SLC14A2: variants seen among roughly 807,000 people sequenced by gnomAD.
SLC14A2 encodes the protein solute carrier family 14 member 2.
SLC14A2 carries 91 observed loss-of-function variants against 104.6 expected under a neutral mutation model. That is an observed-to-expected ratio of 0.87 (90% CI 0.73 to 1.04). SLC14A2 has a LOEUF of 1.04. SLC14A2 is among the 50% of genes least tolerant of loss of function. The probability of loss-of-function intolerance (pLI) is 0.00; values close to 1 mark genes in which losing one functional copy is unlikely to be tolerated. For missense variants in SLC14A2, 1,189 were observed against 1,156.0 expected (o/e 1.03, Z -0.41); for synonymous variants, 476 against 466.4 (o/e 1.02, Z -0.27).
At chr18:45,339,732 G>A (rs1568158536) in intron 1 of SLC14A2, among the ~76,000 whole-genome samples, 2 of 152,220 alleles carry the variant, frequency 1.3e-5, no homozygotes, top group African/African-American at 4.8e-5. Context: ...GTGTGGGCAG[G>A]TTTTTGGCAG....
chr18:45,589,516 C>A (rs907093252), intron 2 of SLC14A2, among the ~76,000 whole-genome samples: 1 of 151,808 alleles, frequency 6.6e-6, no homozygotes, highest in Non-Finnish European at 1.5e-5. Context: ...TTTCCCCGCA[C>A]CACCCTCCCC....
chr18:45,554,991 G>A (rs1194101025), intron 2 of SLC14A2, among the ~76,000 whole-genome samples: 2 of 152,234 alleles, frequency 1.3e-5, no homozygotes, highest in Non-Finnish European at 2.9e-5. Context: ...CTTCCCTTGA[G>A]ATGGATTTGA....
At chr18:45,585,975 A>G (rs2044561792) in intron 2 of SLC14A2, among the ~76,000 whole-genome samples, 2 of 152,220 alleles carry the variant, frequency 1.3e-5, no homozygotes, top group African/African-American at 4.8e-5. Context: ...TATTCAGTCA[A>G]CATGGATTAA....
Position 45,667,963 on chromosome 18 carries a change from C to A in SLC14A2, c.1848C>A (p.Ile616=). 1 of 1,614,156 alleles carries A rather than the reference C, an allele frequency of 6.2e-7. No individual in the cohort carries two copies. Among genetic ancestry groups the A allele is most frequent in the East Asian group, 2.2e-5 (1 of 44,868 alleles). Residue 616 remains isoleucine, a synonymous_variant, in exon 14 of 20, where the codon ATC becomes ATA. Transcript: ENST00000255226. ...TCATCCAGAACCCCTGGTGGGCGAT[C>A]TCAGGCTGCCTGGGTACCATCATGT... ...GLFIQNPWWA[I]SGCLGTIMST... is the part of the protein sequence containing the mutation.
At chr18:45,187,577 A>G in the SLC14A2 span, among the ~76,000 whole-genome samples, 8 of 152,234 alleles carry the variant, frequency 5.3e-5, no homozygotes, top group East Asian at 9.6e-4. Context: ...CATGGTATTG[A>G]GAGACGCTTT....
chr18:45,648,407 G>A (rs1050853102), intron 10 of SLC14A2, among the ~76,000 whole-genome samples: 2 of 151,788 alleles, frequency 1.3e-5, no homozygotes, highest in African/African-American at 2.4e-5. Context: ...GGGTTTCACC[G>A]TGTTAGCCAG....
At chr18:45,473,186 T>C (rs1378402870) in intron 1 of SLC14A2, among the ~76,000 whole-genome samples, 3 of 152,246 alleles carry the variant, frequency 2.0e-5, no homozygotes, top group African/African-American at 7.2e-5. Flanking sequence ...CAGATGGTTG[T>C]AGATGTGTGG....
chr18:45,444,815 G>C (rs887400577), intron 1 of SLC14A2, among the ~76,000 whole-genome samples: 5 of 152,222 alleles, frequency 3.3e-5, no homozygotes. Context: ...CTCTCAGGGA[G>C]CCTATGAGAG....
chr18:45,407,897 A>AGT (rs1451123705), intron 1 of SLC14A2, among the ~76,000 whole-genome samples: 2 of 152,198 alleles, frequency 1.3e-5, no homozygotes, highest in Non-Finnish European at 2.9e-5. Flanking sequence ...CACTGATCAC[A>AGT]GATCACCATA....
chr18:45,625,774 G>A lies in SLC14A2; in HGVS notation c.242G>A (p.Arg81Gln), dbSNP rs377634668. Reference protein sequence around the residue: ...SKRKDDGVAHRDSAGQRCICL... With the variant: ...SKRKDDGVAHQDSAGQRCICL... ...AGGAAAGACGACGGGGTGGCCCATC[G>A]GGACTCAGCAGGCCAAAGGTGCATC... The change falls in exon 3 of 20, where the codon CGG becomes CAG. Residue 81 changes from arginine to glutamine, a missense_variant. By Grantham distance (43) the Arg-to-Gln change is conservative (BLOSUM62 1). Coordinates refer to ENST00000255226, the MANE Select transcript of SLC14A2 (RefSeq NM_007163.4). 19 of 1,559,756 alleles carry A rather than the reference G, an allele frequency of 1.2e-5. No homozygotes were observed. Among genetic ancestry groups the A allele is most frequent in the Middle Eastern group, 1.7e-4 (1 of 5,942 alleles).
At chr18:45,227,508 G>A (rs991774219) in intron 1 of SLC14A2, among the ~76,000 whole-genome samples, 10 of 152,224 alleles carry the variant, frequency 6.6e-5, no homozygotes, top group African/African-American at 1.9e-4. Context: ...CATAGCAGAA[G>A]GCAGAGGGCA....
At chr18:45,627,875 T>C (rs2045283795) in intron 4 of SLC14A2, among the ~76,000 whole-genome samples, 1 of 151,592 alleles carries the variant, frequency 6.6e-6, no homozygotes, top group African/African-American at 2.4e-5. Context: ...CTGTGCATGG[T>C]CGTGCATGCC....
intron 1 of SLC14A2, among the ~76,000 whole-genome samples, chr18:45,290,348 T>A (rs934493799): frequency 6.6e-6 from 1 of 152,186 alleles, no homozygotes; most frequent in Non-Finnish European, 1.5e-5. Flanking sequence ...GTGCCCACAT[T>A]GTTAAAAGCA....
chr18:45,272,955 G>A (rs561350790), intron 1 of SLC14A2, among the ~76,000 whole-genome samples: 97 of 152,160 alleles, frequency 6.4e-4, no homozygotes, highest in Non-Finnish European at 1.1e-3. Context: ...CTTATAGGGA[G>A]CCTAGTCATT....
chr18:45,451,086 A>G (rs1285187331), intron 1 of SLC14A2, among the ~76,000 whole-genome samples: 1 of 152,238 alleles, frequency 6.6e-6, no homozygotes, highest in Non-Finnish European at 1.5e-5. Flanking sequence ...CCTGCCATAT[A>G]TAAAAACAGT....
intron 1 of SLC14A2, among the ~76,000 whole-genome samples, chr18:45,297,680 C>A (rs563674719): frequency 6.6e-6 from 1 of 151,926 alleles, no homozygotes; most frequent in African/African-American, 2.4e-5. Context: ...AAAAAATGTA[C>A]GTGAAGGCGC....
chr18:45,235,301 A>G (rs1395070780), intron 1 of SLC14A2, among the ~76,000 whole-genome samples: 1 of 152,144 alleles, frequency 6.6e-6, no homozygotes, highest in East Asian at 1.9e-4. Context: ...TTGACACACA[A>G]TAATTGTGCA....
At chr18:45,171,308 C>T in the SLC14A2 span, among the ~76,000 whole-genome samples, 31 of 151,558 alleles carry the variant, frequency 2.0e-4, no homozygotes, top group Admixed American at 3.9e-4. Context: ...CCTAGGGCTT[C>T]GTGGATGTAA....
At chr18:45,331,424 G>A (rs749118204) in intron 1 of SLC14A2, among the ~76,000 whole-genome samples, 6 of 152,252 alleles carry the variant, frequency 3.9e-5, no homozygotes, top group Non-Finnish European at 5.9e-5. Context: ...GGGTGTGGTG[G>A]CTCACGCCTG....
Sources: allele counts gnomAD v4.1 joint callset (sites outside exome capture counted in the v4.1 genomes callset), GRCh38; gene constraint gnomAD v4.1.1; transcripts MANE v1.5; gene names NCBI Gene and HGNC (gene_info 2026-07-23, HGNC 2026-07-21).